IQUB: variants seen among roughly 807,000 people sequenced by gnomAD.
IQUB encodes IQ motif and ubiquitin-like domain-containing protein.
A neutral mutation model predicts 86.4 loss-of-function variants in IQUB; 86 were observed. That is an observed-to-expected ratio of 1.00 (90% CI 0.84 to 1.19). The LOEUF (loss-of-function observed/expected upper bound fraction) is 1.19, where lower values mean the gene tolerates loss of function less well. Ranked by LOEUF, IQUB falls within the 50% of genes most tolerant of loss-of-function variation. The pLI is 0.00. For synonymous variants in IQUB, 289 were observed against 304.5 expected, an observed-to-expected ratio of 0.95 and a Z score of 0.53; for missense variants, 946 against 916.9, an observed-to-expected ratio of 1.03 and a Z score of -0.41.
intron 8 of IQUB, among the ~76,000 whole-genome samples, chr7:123,474,251 T>A (rs1794658088): frequency 6.6e-6 from 1 of 152,232 alleles, no homozygotes; most frequent in African/African-American, 2.4e-5. Flanking sequence ...TATTGTGGTG[T>A]TAAATGAAGA....
chr7:123,514,106 G>A (rs548631799), intron 1 of IQUB, among the ~76,000 whole-genome samples: 28 of 152,034 alleles, frequency 1.8e-4, no homozygotes, highest in African/African-American at 5.3e-4. Context: ...ACAGACTATC[G>A]AAGACAAAGA....
At chr7:123,453,338 A>T (rs966391564) in intron 12 of IQUB, among the ~76,000 whole-genome samples, 1 of 147,604 alleles carries the variant, frequency 6.8e-6, no homozygotes, top group Non-Finnish European at 1.5e-5. Context: ...AAACAAAACA[A>T]AACAAGGGAA....
intron 1 of IQUB, 112 bp from the exon 2 acceptor site, chr7:123,512,456 C>A (rs2117265869): frequency 1.8e-6 from 1 of 560,604 alleles, no homozygotes; most frequent in Non-Finnish European, 2.8e-6. Flanking sequence ...AAATGTTGCT[C>A]AATTTAAAAA....
intron 7 of IQUB, among the ~76,000 whole-genome samples, chr7:123,496,004 A>G (rs1380291907): frequency 6.6e-6 from 1 of 152,156 alleles, no homozygotes; most frequent in African/African-American, 2.4e-5. Flanking sequence ...GGACCATAAG[A>G]TGACAAAAGA....
chr7:123,512,656 T>C (rs558226356), intron 1 of IQUB, among the ~76,000 whole-genome samples: 30 of 152,338 alleles, frequency 2.0e-4, no homozygotes, highest in South Asian at 1.4e-3. Flanking sequence ...AAAAGACTTT[T>C]TGAATTTCTT....
chr7:123,478,386 C>T (rs1055244546), intron 8 of IQUB, among the ~76,000 whole-genome samples: 3 of 152,024 alleles, frequency 2.0e-5, no homozygotes, highest in Non-Finnish European at 2.9e-5. Context: ...AACACTTGGA[C>T]CCAGGGTGGG....
intron 1 of IQUB, among the ~76,000 whole-genome samples, chr7:123,533,277 G>T (rs913425780): frequency 6.6e-6 from 1 of 152,136 alleles, no homozygotes; most frequent in African/African-American, 2.4e-5. Context: ...CTGAAAATGA[G>T]TTCCCAGAAT....
At chr7:123,478,972 T>G (rs1794875536) in intron 8 of IQUB, among the ~76,000 whole-genome samples, 4 of 152,088 alleles carry the variant, frequency 2.6e-5, no homozygotes, top group Non-Finnish European at 1.5e-5. Context: ...AGTTCTGGGA[T>G]GCAGGTAGTA....
chr7:123,482,306 A>G (rs1795045770), intron 7 of IQUB, among the ~76,000 whole-genome samples: 1 of 152,082 alleles, frequency 6.6e-6, no homozygotes, highest in African/African-American at 2.4e-5. Context: ...TTAAAAGCAT[A>G]TTTGAACAAT....
intron 6 of IQUB, among the ~76,000 whole-genome samples, chr7:123,499,888 T>C (rs1286119471): frequency 1.3e-5 from 2 of 152,088 alleles, no homozygotes; most frequent in Admixed American, 6.5e-5. Flanking sequence ...CAGTACAAGA[T>C]ACAAGTCATA....
chr7:123,507,919 T>C (rs1006900558), intron 3 of IQUB, among the ~76,000 whole-genome samples: 1 of 151,968 alleles, frequency 6.6e-6, no homozygotes, highest in Non-Finnish European at 1.5e-5. Flanking sequence ...TTATGATAGG[T>C]TGGATAACTG....
At chr7:123,513,518 C>T (rs369738062) in intron 1 of IQUB, among the ~76,000 whole-genome samples, 36 of 152,184 alleles carry the variant, frequency 2.4e-4, no homozygotes, top group South Asian at 1.2e-3. Flanking sequence ...AGACTATGTG[C>T]GGTCTTTGCA....
chr7:123,490,603 A>T (rs370780873), intron 7 of IQUB, among the ~76,000 whole-genome samples: 2 of 152,238 alleles, frequency 1.3e-5, no homozygotes, highest in East Asian at 3.8e-4. Flanking sequence ...TTCTTCCTAC[A>T]TGCACACAGA....
intron 1 of IQUB, among the ~76,000 whole-genome samples, chr7:123,530,849 G>A (rs952117555): frequency 1.3e-5 from 2 of 151,802 alleles, no homozygotes; most frequent in African/African-American, 4.8e-5. Flanking sequence ...GCCAATTTTT[G>A]TATTTTTAGC....
intron 2 of IQUB, among the ~76,000 whole-genome samples, chr7:123,510,393 G>C (rs1022994180): frequency 6.6e-6 from 1 of 152,048 alleles, no homozygotes; most frequent in Non-Finnish European, 1.5e-5. Context: ...GAGTGTCCCA[G>C]AAGTTAGAAA....
At chr7:123,530,920 G>A (rs1443855062) in intron 1 of IQUB, among the ~76,000 whole-genome samples, 2 of 151,854 alleles carry the variant, frequency 1.3e-5, no homozygotes, top group Non-Finnish European at 2.9e-5. Context: ...CAGGTGCTCC[G>A]CCCGCCTCGG....
intron 8 of IQUB, among the ~76,000 whole-genome samples, chr7:123,474,525 A>G (rs780075556): frequency 2.0e-5 from 3 of 152,226 alleles, no homozygotes; most frequent in Non-Finnish European, 2.9e-5. Flanking sequence ...TCAAAAGACT[A>G]AAATTTATCT....
At chr7:123,491,988 T>C (rs1002384137) in intron 7 of IQUB, among the ~76,000 whole-genome samples, 3 of 152,136 alleles carry the variant, frequency 2.0e-5, no homozygotes, top group African/African-American at 7.2e-5. Flanking sequence ...TGTGATTAGG[T>C]AATGAGGGTG....
At chr7:123,519,116 TCTCA>T (rs1212514584) in intron 1 of IQUB, among the ~76,000 whole-genome samples, 1 of 152,050 alleles carries the variant, frequency 6.6e-6, no homozygotes, top group Non-Finnish European at 1.5e-5. Flanking sequence ...TAAGACATCA[TCTCA>T]CCCCAGTTAA....
Sources: gnomAD v4.1 joint callset for allele counts (sites outside exome capture counted in the v4.1 genomes callset) on GRCh38, gnomAD v4.1.1 for gene constraint, MANE v1.5 for transcripts, NCBI Gene and HGNC (gene_info 2026-07-23, HGNC 2026-07-21) for gene names.